Variants in CERKL observed in about 807,000 individuals in gnomAD.
CERKL encodes the protein ceramide kinase-like protein.
A neutral mutation model predicts 63.4 loss-of-function variants in CERKL; 61 were observed. That is an observed-to-expected ratio of 0.96 (90% CI 0.78 to 1.19). The LOEUF (loss-of-function observed/expected upper bound fraction) is 1.19, where lower values mean the gene tolerates loss of function less well. Among genes scored for constraint, CERKL ranks in the 50% most tolerant of loss-of-function variants. The pLI is 0.00. For synonymous variants in CERKL, 250 were observed against 230.5 expected (o/e 1.08, Z -0.77); for missense variants, 675 against 655.5 (o/e 1.03, Z -0.33).
intron 1 of CERKL, among the ~76,000 whole-genome samples, chr2:181,650,335 C>G (rs371396786): frequency 2.0e-5 from 3 of 152,206 alleles, no homozygotes; most frequent in East Asian, 3.9e-4. Flanking sequence ...TATACCATAA[C>G]AAAACCTACG....
intron 1 of CERKL, among the ~76,000 whole-genome samples, chr2:181,605,294 G>A (rs1003260432): frequency 4.6e-5 from 7 of 152,334 alleles, no homozygotes; most frequent in Middle Eastern, 3.4e-3. Context: ...AGTTCACTGT[G>A]CAATTTACTA....
chr2:181,640,878 C>CT (rs1687390409), intron 1 of CERKL, among the ~76,000 whole-genome samples: 3 of 152,332 alleles, frequency 2.0e-5, no homozygotes, highest in South Asian at 4.1e-4. Flanking sequence ...AATGAACCCA[C>CT]TCCTAGGGGA....
intron 2 of CERKL, among the ~76,000 whole-genome samples, chr2:181,589,654 A>G (rs1287126272): frequency 6.6e-6 from 1 of 152,196 alleles, no homozygotes; most frequent in Admixed American, 6.5e-5. Flanking sequence ...CTTCTACCAT[A>G]CAAAAAATAA....
chr2:181,586,031 A>G (rs964756397), intron 2 of CERKL, among the ~76,000 whole-genome samples: 1 of 152,206 alleles, frequency 6.6e-6, no homozygotes, highest in African/African-American at 2.4e-5. Flanking sequence ...GATGAAGCCA[A>G]GACAAAATTC....
chr2:181,597,333 G>C (rs1255138635), intron 2 of CERKL, among the ~76,000 whole-genome samples: 2 of 152,172 alleles, frequency 1.3e-5, no homozygotes, highest in Admixed American at 1.3e-4. Flanking sequence ...AGTGCCACTA[G>C]TCTTTCAGAA....
chr2:181,580,156 C>G (rs1009290458), intron 2 of CERKL, among the ~76,000 whole-genome samples: 6 of 151,788 alleles, frequency 4.0e-5, no homozygotes, highest in South Asian at 2.1e-4. Flanking sequence ...TCAAATAATA[C>G]TTTTGTGATG....
rs1220249286 is a variant in CERKL, at chr2:181,565,465, T to C, written c.677+593A>G. 1.9e-6 allele frequency: 3 copies of C among 1,612,284 alleles called. No homozygotes were observed. In the Admixed American group the frequency reaches 5.0e-5, roughly 27 times the overall value. ...CTAACGTTTGCATGCCAGTGAACAA[T>C]CTCTGTACACTCCAATGTATTGCGA... On this transcript the variant is annotated intron_variant, in intron 4 of 12. Coordinates refer to ENST00000410087, the MANE Select transcript of CERKL (RefSeq NM_201548.5).
chr2:181,639,997 C>T (rs1317725874), intron 1 of CERKL, among the ~76,000 whole-genome samples: 1 of 152,118 alleles, frequency 6.6e-6, no homozygotes, highest in African/African-American at 2.4e-5. Context: ...TTCCCTGATG[C>T]CAGCTGGTAC....
At chr2:181,629,583 G>T (rs1350032715) in intron 1 of CERKL, among the ~76,000 whole-genome samples, 7 of 151,900 alleles carry the variant, frequency 4.6e-5, no homozygotes, top group African/African-American at 1.7e-4. Flanking sequence ...TGTAATAAAT[G>T]GGGGGGTGGT....
At chr2:181,637,497 G>A (rs1240111205) in intron 1 of CERKL, among the ~76,000 whole-genome samples, 1 of 152,030 alleles carries the variant, frequency 6.6e-6, no homozygotes, top group Non-Finnish European at 1.5e-5. Context: ...AGAAATCAAG[G>A]TAGAAAAACA....
chr2:181,618,620 T>C (rs1044083209), intron 1 of CERKL, among the ~76,000 whole-genome samples: 26 of 152,026 alleles, frequency 1.7e-4, no homozygotes, highest in African/African-American at 6.3e-4. Flanking sequence ...TTTCACCATG[T>C]TGGCTGGTCT....
intron 1 of CERKL, among the ~76,000 whole-genome samples, chr2:181,656,021 A>T (rs1360137097): frequency 6.6e-6 from 1 of 152,262 alleles, no homozygotes; most frequent in Admixed American, 6.5e-5. Context: ...TAAGACGTGA[A>T]AATAGACTCG....
In CERKL at chr2:181,558,416, C is replaced by G. The variant is rs1205718071; in HGVS notation, c.820+150G>C. On this transcript the variant is annotated intron_variant, in intron 5 of 12. Coordinates refer to ENST00000410087, the MANE Select transcript of CERKL (RefSeq NM_201548.5). The surrounding 1 kb of genome is among the most constrained non-coding windows in gnomAD (Gnocchi z 4.2). ...GGCTCAAAGAGATTAAATGACTTGT[C>G]AAAAGTCTCACATTTGCTAGTGGGG... The G allele has an allele frequency of 1.2e-6, 1 of 802,508 alleles. No homozygotes were observed. The highest frequency in any genetic ancestry group is 2.1e-6 in the Non-Finnish European group (1 of 472,856). The allele number at this position is 802,508 out of a possible 1,614,324, so 49.7% of individuals were successfully genotyped here. A position where few individuals can be genotyped will look rare whatever the true frequency, so the allele number is the denominator to read the frequency against.
intron 3 of CERKL, among the ~76,000 whole-genome samples, chr2:181,567,883 G>C (rs1688731690): frequency 6.6e-6 from 1 of 152,196 alleles, no homozygotes; most frequent in South Asian, 2.1e-4. Flanking sequence ...GTGACAGCCA[G>C]ATTCAAATCA....
chr2:181,656,204 A>C (rs1361355064), intron 1 of CERKL, among the ~76,000 whole-genome samples: 1 of 152,214 alleles, frequency 6.6e-6, no homozygotes. Flanking sequence ...AGCCTGAAGA[A>C]GTCTTAATTC....
At chr2:181,596,095 CAA>C (rs775218819) in intron 2 of CERKL, among the ~76,000 whole-genome samples, 1 of 152,114 alleles carries the variant, frequency 6.6e-6, no homozygotes, top group Non-Finnish European at 1.5e-5. Flanking sequence ...TAAGATCTGA[CAA>C]AGTTTATCTA....
At chr2:181,554,169 A>C (rs1247538514) in intron 5 of CERKL, among the ~76,000 whole-genome samples, 1 of 150,342 alleles carries the variant, frequency 6.7e-6, no homozygotes, top group Non-Finnish European at 1.5e-5. Context: ...GGAGGCAAAA[A>C]AAAAAAAAAA....
In CERKL at chr2:181,544,934, T is replaced by C. The variant is rs1232809326; in HGVS notation, c.1269-138A>G. 5.5e-6 allele frequency: 3 copies of C among 540,716 alleles called. No homozygotes were observed. In the African/African-American group the frequency reaches 5.8e-5, roughly 10 times the overall value. The allele number at this position is 540,716 out of a possible 1,614,324, so 33.5% of individuals were successfully genotyped here. The stretch of plus-strand genomic sequence containing the variant: ...AGATAGATAAATCACCATGTTACGT[T>C]TACCTAAAATTCATAAACCGTATCT... On this transcript the variant is annotated intron_variant, in intron 10 of 12. Transcript: ENST00000410087.
intron 1 of CERKL, among the ~76,000 whole-genome samples, chr2:181,644,988 A>G (rs1342594173): frequency 6.6e-6 from 1 of 152,162 alleles, no homozygotes; most frequent in Admixed American, 6.5e-5. Flanking sequence ...TGGAAATCTT[A>G]TGCCATGTTG....
Sources: allele counts gnomAD v4.1 joint callset (sites outside exome capture counted in the v4.1 genomes callset), GRCh38; gene constraint gnomAD v4.1.1; non-coding constraint Gnocchi (gnomAD v3.1); transcripts MANE v1.5; gene names NCBI Gene and HGNC (gene_info 2026-07-23, HGNC 2026-07-21).